Variants in AOAH observed in about 807,000 individuals in gnomAD.
The protein encoded by AOAH is acyloxyacyl hydrolase, also known as acyloxyacyl hydrolase (neutrophil).
AOAH carries 64 observed loss-of-function variants against 92.2 expected under a neutral mutation model. The observed-to-expected ratio is 0.69, with a 90% confidence interval of 0.57 to 0.86. AOAH has a LOEUF of 0.86. Ranked by LOEUF, AOAH falls within the 40% of genes least tolerant of loss-of-function variation. AOAH has a pLI of 0.00. For synonymous variants in AOAH, 263 were observed against 254.5 expected (o/e 1.03, Z -0.32); for missense variants, 656 against 694.6 (o/e 0.94, Z 0.62).
chr7:36,721,862 T>G (rs1285084454), intron 1 of AOAH, among the ~76,000 whole-genome samples: 1 of 152,198 alleles, frequency 6.6e-6, no homozygotes, highest in East Asian at 1.9e-4. Flanking sequence ...TGGCAAGTAA[T>G]GCTGTGCCTG....
At chr7:36,605,460 T>C (rs1790928533) in intron 11 of AOAH, among the ~76,000 whole-genome samples, 1 of 152,048 alleles carries the variant, frequency 6.6e-6, no homozygotes, top group African/African-American at 2.4e-5. Context: ...GGACAAGAGA[T>C]TGTCCTCTAG....
intron 11 of AOAH, among the ~76,000 whole-genome samples, chr7:36,607,759 A>G (rs1791115111): frequency 6.6e-6 from 1 of 152,160 alleles, no homozygotes; most frequent in African/African-American, 2.4e-5. Flanking sequence ...TTCTTTGTCT[A>G]CTTGGCCAGC....
At chr7:36,536,491 A>G (rs1785067127) in intron 16 of AOAH, among the ~76,000 whole-genome samples, 1 of 152,142 alleles carries the variant, frequency 6.6e-6, no homozygotes, top group Admixed American at 6.6e-5. Flanking sequence ...GCCTGGGCAG[A>G]GCAACCAAAC....
chr7:36,570,281 T>C (rs924621758), intron 13 of AOAH, among the ~76,000 whole-genome samples: 1 of 152,248 alleles, frequency 6.6e-6, no homozygotes, highest in Non-Finnish European at 1.5e-5. Flanking sequence ...CTTCTGTGAC[T>C]GGCTTATTTC....
intron 11 of AOAH, among the ~76,000 whole-genome samples, chr7:36,602,477 ACTT>A (rs1164654055): frequency 6.6e-6 from 1 of 150,510 alleles, no homozygotes; most frequent in Admixed American, 6.6e-5. Context: ...GGGTGATTGA[ACTT>A]TTTTTTAGAT....
intron 9 of AOAH, among the ~76,000 whole-genome samples, 174 bp from the exon 10 acceptor site, chr7:36,618,519 T>C (rs1044954102): frequency 2.6e-5 from 4 of 152,162 alleles, no homozygotes; most frequent in African/African-American, 9.7e-5. Flanking sequence ...CGAGTCGGGT[T>C]TGGGAGGAAC....
At chr7:36,651,080 G>T (rs1288079220) in intron 4 of AOAH, among the ~76,000 whole-genome samples, 1 of 152,158 alleles carries the variant, frequency 6.6e-6, no homozygotes, top group African/African-American at 2.4e-5. Flanking sequence ...TACCCTGAAG[G>T]AGTCACCTCC....
intron 11 of AOAH, among the ~76,000 whole-genome samples, chr7:36,613,167 C>T (rs996403477): frequency 5.3e-5 from 8 of 152,162 alleles, no homozygotes; most frequent in Non-Finnish European, 1.0e-4. Context: ...CTGTAGTCCT[C>T]ATGTGAGAAC....
intron 3 of AOAH, among the ~76,000 whole-genome samples, chr7:36,671,845 T>A (rs1169663972): frequency 6.6e-6 from 1 of 151,836 alleles, no homozygotes; most frequent in African/African-American, 2.4e-5. Flanking sequence ...TGCTATGGAG[T>A]GGCAAGGGGT....
At chr7:36,618,510 G>A (rs921888542) in intron 9 of AOAH, among the ~76,000 whole-genome samples, 165 bp from the exon 10 acceptor site, 5 of 152,238 alleles carry the variant, frequency 3.3e-5, no homozygotes, top group African/African-American at 7.2e-5. Flanking sequence ...CTGTGCGAGC[G>A]AGTCGGGTTT....
rs747610695 is a variant in AOAH, at chr7:36,549,422, T to C, written c.1058+17A>G. The C allele has an allele frequency of 6.3e-7, 1 of 1,581,126 alleles. No homozygotes were observed. Among genetic ancestry groups the C allele is most frequent in the African/African-American group, 1.4e-5 (1 of 73,800 alleles). Reference sequence around the variant, plus strand: ...ATGAGAAACCAAATTAAAAACAACTTCTTATCTTCTGCTTACCTTTCTATA... The same window carrying C: ...ATGAGAAACCAAATTAAAAACAACTCCTTATCTTCTGCTTACCTTTCTATA... On this transcript the variant is annotated intron_variant, in intron 14 of 20. Transcript: ENST00000617537.
chr7:36,690,000 CA>C (rs1287811831), intron 1 of AOAH: 1 of 302,444 alleles, frequency 3.3e-6, no homozygotes. Flanking sequence ...CCTGAAAATT[CA>C]ACTCCATCAT....
intron 1 of AOAH, among the ~76,000 whole-genome samples, chr7:36,705,782 A>G (rs904056591): frequency 2.6e-5 from 4 of 152,182 alleles, no homozygotes; most frequent in South Asian, 2.1e-4. Context: ...GCAGTAACCA[A>G]AACAGCATGG....
intron 1 of AOAH, 74 bp downstream of exon 1, chr7:36,723,947 AT>A: frequency 1.0e-5 from 15 of 1,481,122 alleles, no homozygotes; most frequent in Non-Finnish European, 1.4e-5. Flanking sequence ...AAAATATGTG[AT>A]TTATTACGCA....
At chr7:36,713,625 T>C (rs1798923446) in intron 1 of AOAH, among the ~76,000 whole-genome samples, 1 of 152,190 alleles carries the variant, frequency 6.6e-6, no homozygotes, top group Admixed American at 6.6e-5. Flanking sequence ...TATAACAAAC[T>C]GTCTCTCAGA....
At chr7:36,637,407 G>A (rs892365786) in intron 5 of AOAH, among the ~76,000 whole-genome samples, 5 of 152,144 alleles carry the variant, frequency 3.3e-5, no homozygotes, top group African/African-American at 1.2e-4. Context: ...AGAAGCAGGA[G>A]GATACAGCCT....
In AOAH at chr7:36,720,278, T is replaced by C. The variant is rs984043116; in HGVS notation, c.127+3744A>G. On this transcript the variant is annotated intron_variant, in intron 1 of 20. Transcript: ENST00000617537. ...GATTCTTCTGCCTCAGCTCCCTGAG[T>C]AGCTGGGACTACAGGCATGCCCCAC... 3.3e-5 allele frequency among the ~76,000 whole-genome samples: 5 copies of C among 152,000 alleles called. No individual in the cohort carries two copies. The South Asian group carries it at 6.2e-4, about 19-fold the overall frequency.
chr7:36,703,762 A>G (rs952719461), intron 1 of AOAH, among the ~76,000 whole-genome samples: 1 of 152,214 alleles, frequency 6.6e-6, no homozygotes, highest in Non-Finnish European at 1.5e-5. Context: ...CAGTGCTGCA[A>G]TAAACGTATG....
At chr7:36,710,169 GT>G (rs1439413121) in intron 1 of AOAH, among the ~76,000 whole-genome samples, 1 of 152,032 alleles carries the variant, frequency 6.6e-6, no homozygotes, top group East Asian at 1.9e-4. Flanking sequence ...CACTTCCACG[GT>G]TATATTCTGT....
Sources: gnomAD v4.1 joint callset for allele counts (sites outside exome capture counted in the v4.1 genomes callset) on GRCh38, gnomAD v4.1.1 for gene constraint, MANE v1.5 for transcripts, NCBI Gene and HGNC (gene_info 2026-07-23, HGNC 2026-07-21) for gene names.